Variants in USP42 observed in about 807,000 individuals in gnomAD.
USP42 encodes the protein ubiquitin specific peptidase 42.
A neutral mutation model predicts 113.0 loss-of-function variants in USP42; 23 were observed. That is an observed-to-expected ratio of 0.20 (90% confidence interval 0.15 to 0.29). The LOEUF is 0.29. USP42 is among the 10% of genes least tolerant of loss of function. The pLI, the probability that USP42 is intolerant of heterozygous loss-of-function variation, is 1.00. For synonymous variants in USP42, 933 were observed against 699.0 expected (o/e 1.33, Z -5.28); for missense variants, 2,174 against 1,779.8 (o/e 1.22, Z -3.99).
rs1360409910 is a variant in USP42 at position 6,154,908 on chromosome 7, C to T, written c.3354C>T (p.Arg1118=). 5 of 1,546,574 alleles carry T rather than the reference C, an allele frequency of 3.2e-6. No homozygotes were observed. The African/African-American group carries it at 4.1e-5, about 13-fold the overall frequency. Residue 1118 remains arginine (R), a synonymous_variant, in exon 15 of 18, where the codon CGC becomes CGT. Coordinates refer to ENST00000306177, the MANE Select transcript of USP42 (RefSeq NM_032172.3). ...AGCGGCACCGCCCCAGCAGCCCCCG[C>T]GCAGGCGCGCCCCACGCCCTCGCCC... The part of the protein sequence containing the change: ...ERERHRPSSP[R]AGAPHALAPH...
At chr7:6,144,707 T>G (rs1366107654) in intron 9 of USP42, among the ~76,000 whole-genome samples, 2 of 152,036 alleles carry the variant, frequency 1.3e-5, no homozygotes, top group African/African-American at 4.8e-5. Context: ...CTGTTTCTAC[T>G]AAAAATACTA....
At chr7:6,099,826 TGTGGTGGGTGCCTATAATCCCAG>T in the USP42 span, among the ~76,000 whole-genome samples, 1 of 150,644 alleles carries the variant, frequency 6.6e-6, no homozygotes, top group Non-Finnish European at 1.5e-5. Context: ...ATCTGGGCAT[TGTGGTGGGTGCCTATAATCCCAG>T]CTACCTGGGA....
chr7:6,104,564 G>C (rs1011451027), upstream of USP42, among the ~76,000 whole-genome samples: 1 of 152,216 alleles, frequency 6.6e-6, no homozygotes, highest in East Asian at 1.9e-4. Context: ...ACGCATCTGG[G>C]GTCAAGCGCA....
chr7:6,124,962 C>T (rs569308787), intron 3 of USP42, among the ~76,000 whole-genome samples: 1 of 151,940 alleles, frequency 6.6e-6, no homozygotes, highest in Non-Finnish European at 1.5e-5. Context: ...GGGCAGATCA[C>T]TTGTGGTCAG....
intron 14 of USP42, among the ~76,000 whole-genome samples, chr7:6,150,786 G>A (rs887486162): frequency 6.6e-6 from 1 of 152,132 alleles, no homozygotes; most frequent in African/African-American, 2.4e-5. Flanking sequence ...TTACTGGCAC[G>A]CCTTCAAGTG....
Position 6,150,194 on chromosome 7 carries a change from C to T in USP42, c.1998C>T (p.Asp666=), listed in dbSNP as rs990228526. The part of the protein sequence containing the change: ...TLNGANSADS[D]SDPKENGLAP... ...ACGGTGCTAATAGTGCAGACAGCGA[C>T]AGTGACCCGAAAGAAAACGGCCTAG... The change falls in exon 13 of 18, where the codon GAC becomes GAT. Residue 666 remains aspartate, a synonymous_variant. Transcript: ENST00000306177. The T allele has an allele frequency of 6.2e-7, 1 of 1,613,904 alleles. No individual in the cohort carries two copies. The highest frequency in any genetic ancestry group is 8.5e-7 in the Non-Finnish European group (1 of 1,179,894).
chr7:6,096,210 C>T, the USP42 span, among the ~76,000 whole-genome samples: 13 of 151,206 alleles, frequency 8.6e-5, 1 homozygote, highest in Non-Finnish European at 1.2e-4. Context: ...TGGTGGCTCA[C>T]GCCTGTAATC....
At chr7:6,130,147 G>A (rs143568888) in intron 3 of USP42, among the ~76,000 whole-genome samples, 19 of 152,234 alleles carry the variant, frequency 1.2e-4, no homozygotes, top group Middle Eastern at 3.4e-3. Context: ...CCCCGCGCCT[G>A]GCCATGGATA....
intron 1 of USP42, among the ~76,000 whole-genome samples, chr7:6,105,347 A>T (rs927740775): frequency 4.8e-5 from 7 of 147,258 alleles, no homozygotes; most frequent in Non-Finnish European, 9.1e-5. Flanking sequence ...CTGCGCTCCC[A>T]CCCCCACCCG....
rs1200471317 is a variant in USP42 at position 6,154,136 on chromosome 7, C to T, written c.2582C>T (p.Ala861Val). ...GAAGGGTTGAGTCCGGCTCCGCCTGCGCGGTCGGAGGAGCCCTGCGAGCAG... is the reference window on the plus strand; with the variant it reads ...GAAGGGTTGAGTCCGGCTCCGCCTGTGCGGTCGGAGGAGCCCTGCGAGCAG... ...APEGLSPAPP[A>V]RSEEPCEQPL... The change falls in exon 15 of 18, where the codon GCG becomes GTG. Residue 861 changes from alanine to valine, a missense_variant. Ala to Val is a moderately conservative substitution (Grantham distance 64). Coordinates refer to ENST00000306177, the MANE Select transcript of USP42 (RefSeq NM_032172.3). 3.1e-6 allele frequency: 5 copies of T among 1,597,248 alleles called. No individual in the cohort carries two copies. Among genetic ancestry groups the T allele is most frequent in the South Asian group, 2.2e-5 (2 of 90,554 alleles).
chr7:6,115,700 A>G (rs1288824444), intron 3 of USP42, among the ~76,000 whole-genome samples, 177 bp downstream of exon 3: 6 of 152,216 alleles, frequency 3.9e-5, no homozygotes, highest in Admixed American at 6.6e-5. Flanking sequence ...CATGAAAAAC[A>G]TTTTGCACCT....
chr7:6,089,146 G>A, the USP42 span, among the ~76,000 whole-genome samples: 1,901 of 150,368 alleles, frequency 0.013, 161 homozygotes, highest in African/African-American at 0.045. Flanking sequence ...CCAGGTTCAC[G>A]CCATTCTCCT....
chr7:6,092,097 CTCCTCT>C, the USP42 span, among the ~76,000 whole-genome samples: 17 of 36,712 alleles, frequency 4.6e-4, no homozygotes, highest in African/African-American at 1.7e-3. Context: ...CTTCTTCTTC[CTCCTCT>C]TCTTCTTCTT....
intron 2 of USP42, among the ~76,000 whole-genome samples, chr7:6,112,391 G>A (rs923179468): frequency 6.6e-6 from 1 of 152,098 alleles, no homozygotes; most frequent in Non-Finnish European, 1.5e-5. Context: ...AGAGGTTGCA[G>A]TGAGCCCAAG....
rs924646783 is a variant in USP42, at chr7:6,161,225, G to GTCTC, written c.*709_*712dup. 6.6e-6 allele frequency: 1 copy of GTCTC among 152,522 alleles called. No individual in the cohort carries two copies. Among genetic ancestry groups the GTCTC allele is most frequent in the African/African-American group, 2.4e-5 (1 of 41,402 alleles). The allele number at this position is 152,522 out of a possible 1,614,324, so 9.4% of individuals were successfully genotyped here. ...ATTACACAACACTTTTTGATACAGC[G>GTCTC]TCTCTTGTCTTCACTGATACTGGAG... On this transcript the variant is annotated 3_prime_UTR_variant, in exon 18 of 18. Transcript: ENST00000306177.
chr7:6,128,284 A>T (rs1208011752), intron 3 of USP42: 1 of 135,442 alleles, frequency 7.4e-6, no homozygotes, highest in African/African-American at 2.8e-5. Context: ...CCTCCTTGAG[A>T]TGAGGTCTCA....
the USP42 span, among the ~76,000 whole-genome samples, chr7:6,085,771 T>C: frequency 2.7e-5 from 4 of 150,480 alleles, no homozygotes; most frequent in South Asian, 2.1e-4. Context: ...TGTGCCATCA[T>C]GCCTGGCTAA....
intron 12 of USP42, 59 bp downstream of exon 12, chr7:6,147,951 C>G: frequency 1.3e-6 from 2 of 1,511,078 alleles, no homozygotes. Context: ...TAACTTCAAA[C>G]TCTCAAGTTG....
intron 3 of USP42, among the ~76,000 whole-genome samples, chr7:6,119,811 C>T (rs979512941): frequency 6.6e-6 from 1 of 151,972 alleles, no homozygotes; most frequent in African/African-American, 2.4e-5. Context: ...TCAAGGGATC[C>T]CCTTGCCTCA....
Sources: gnomAD v4.1 joint callset for allele counts (sites outside exome capture counted in the v4.1 genomes callset) on GRCh38, gnomAD v4.1.1 for gene constraint, MANE v1.5 for transcripts, NCBI Gene and HGNC (gene_info 2026-07-23, HGNC 2026-07-21) for gene names.